Variants in EEIG2 observed in about 807,000 individuals in gnomAD.
EEIG2 encodes the protein EEIG family member 2, also known as family with sequence similarity 102 member B.
chr1:108,592,901 TA>T, the EEIG2 span, among the ~76,000 whole-genome samples: 14 of 152,328 alleles, frequency 9.2e-5, no homozygotes, highest in African/African-American at 3.4e-4. Flanking sequence ...CTCTCGCCTG[TA>T]ATCTCAGCAC....
the EEIG2 span, among the ~76,000 whole-genome samples, chr1:108,597,509 TCTGA>T: frequency 1.3e-4 from 20 of 152,328 alleles, no homozygotes; most frequent in African/African-American, 2.6e-4. Context: ...AGGTCTGCAG[TCTGA>T]CTATTTCCAA....
chr1:108,606,213 T>C, the EEIG2 span: 156 of 1,549,082 alleles, frequency 1.0e-4, 1 homozygote, highest in Non-Finnish European at 2.6e-6. Context: ...GTATTTTCTG[T>C]CTTTGGCAGG....
chr1:108,603,631 A>G, the EEIG2 span, among the ~76,000 whole-genome samples: 439 of 152,328 alleles, frequency 2.9e-3, 3 homozygotes, highest in Middle Eastern at 0.01. Flanking sequence ...AGACATGACT[A>G]CATGACCAAA....
the EEIG2 span, chr1:108,639,089 G>A: frequency 6.6e-6 from 1 of 152,092 alleles, no homozygotes; most frequent in African/African-American, 2.4e-5. Context: ...TACAGTATGT[G>A]GGTAACCATG....
the EEIG2 span, among the ~76,000 whole-genome samples, chr1:108,579,738 G>GGTGT: frequency 8.3e-3 from 892 of 107,998 alleles, 26 homozygotes; most frequent in African/African-American, 0.03. Context: ...TTGTTTTTTT[G>GGTGT]GTGTGTGTGT....
At chr1:108,623,675 A>C in the EEIG2 span, among the ~76,000 whole-genome samples, 1 of 152,108 alleles carries the variant, frequency 6.6e-6, no homozygotes, top group African/African-American at 2.4e-5. Flanking sequence ...AAAAATAAAA[A>C]AATATTTTTT....
the EEIG2 span, among the ~76,000 whole-genome samples, chr1:108,615,695 T>TA: frequency 4.0e-5 from 6 of 150,832 alleles, no homozygotes; most frequent in Admixed American, 3.3e-4. Context: ...GACAGGAAGA[T>TA]CATGAGCCCA....
the EEIG2 span, among the ~76,000 whole-genome samples, chr1:108,616,918 C>T: frequency 4.6e-5 from 7 of 152,118 alleles, no homozygotes; most frequent in Non-Finnish European, 2.9e-5. Context: ...ATGGGAGGGC[C>T]ATCGTGAAGA....
At chr1:108,568,712 C>T in the EEIG2 span, among the ~76,000 whole-genome samples, 1 of 152,164 alleles carries the variant, frequency 6.6e-6, no homozygotes, top group Non-Finnish European at 1.5e-5. Context: ...GTCCAGTTGT[C>T]AGGGGCCTGG....
the EEIG2 span, among the ~76,000 whole-genome samples, chr1:108,570,213 G>C: frequency 1.3e-5 from 2 of 152,306 alleles, no homozygotes; most frequent in Non-Finnish European, 2.9e-5. Flanking sequence ...TTTTTTAAAA[G>C]TCTAGCTGGA....
the EEIG2 span, among the ~76,000 whole-genome samples, chr1:108,574,541 A>T: frequency 6.6e-6 from 1 of 152,208 alleles, no homozygotes. Context: ...GCCTGAGATC[A>T]GGAGTTCAAG....
chr1:108,589,649 G>A, the EEIG2 span, among the ~76,000 whole-genome samples: 4 of 151,660 alleles, frequency 2.6e-5, no homozygotes, highest in Admixed American at 6.6e-5. Flanking sequence ...CCTTCTTCTC[G>A]TATACCCTAA....
At chr1:108,613,285 T>C in the EEIG2 span, among the ~76,000 whole-genome samples, 2 of 152,208 alleles carry the variant, frequency 1.3e-5, no homozygotes, top group Admixed American at 1.3e-4. Flanking sequence ...CTCCATGAGA[T>C]GAACAGGGTT....
chr1:108,569,394 A>T, the EEIG2 span, among the ~76,000 whole-genome samples: 1 of 152,182 alleles, frequency 6.6e-6, no homozygotes, highest in Admixed American at 6.5e-5. Flanking sequence ...TGGCACGATG[A>T]TAGCTCATTG....
the EEIG2 span, among the ~76,000 whole-genome samples, chr1:108,617,157 G>C: frequency 6.6e-6 from 1 of 152,180 alleles, no homozygotes; most frequent in African/African-American, 2.4e-5. Context: ...GAAGAGGCGG[G>C]TGATAGGAGA....
the EEIG2 span, among the ~76,000 whole-genome samples, chr1:108,613,821 T>C: frequency 1.3e-5 from 2 of 152,060 alleles, no homozygotes; most frequent in African/African-American, 2.4e-5. Context: ...GACTATCTTA[T>C]CTATATTTTC....
the EEIG2 span, chr1:108,616,455 A>T: frequency 7.0e-7 from 1 of 1,432,450 alleles, no homozygotes; most frequent in Admixed American, 1.7e-5. Context: ...TAAATGGATT[A>T]TGTATCTAAA....
chr1:108,614,254 T>C, the EEIG2 span, among the ~76,000 whole-genome samples: 1 of 148,732 alleles, frequency 6.7e-6, no homozygotes, highest in Non-Finnish European at 1.5e-5. Context: ...TGTCCCTGTC[T>C]CCCTGCATTG....
At chr1:108,600,810 TGCTCGCTGCAGTAATTAAA>T in the EEIG2 span, 1 of 899,274 alleles carries the variant, frequency 1.1e-6, no homozygotes, top group Non-Finnish European at 1.6e-6. Flanking sequence ...TTTCACTTCA[TGCTCGCTGCAGTAATTAAA>T]ATACCATGGC....
Sources: allele counts gnomAD v4.1 joint callset (sites outside exome capture counted in the v4.1 genomes callset), GRCh38; gene constraint gnomAD v4.1.1; transcripts MANE v1.5; gene names NCBI Gene and HGNC (gene_info 2026-07-23, HGNC 2026-07-21).